Variants in CCDC14 observed in about 807,000 individuals in gnomAD.
The protein encoded by CCDC14 is coiled-coil domain-containing protein 14.
Under a neutral mutation model 81.4 loss-of-function variants are expected in CCDC14, and 71 were observed. That is an observed-to-expected ratio of 0.87 (90% CI 0.72 to 1.06). The LOEUF (loss-of-function observed/expected upper bound fraction) is 1.06. CCDC14 is among the 50% of genes least tolerant of loss of function. The pLI is 0.00. For missense variants in CCDC14, 1,046 were observed against 1,047.3 expected, an observed-to-expected ratio of 1.00 and a Z score of 0.02; for synonymous variants, 332 against 364.8, an observed-to-expected ratio of 0.91 and a Z score of 1.03.
At chr3:123,951,354 A>G (rs2037011420) in intron 5 of CCDC14, among the ~76,000 whole-genome samples, 1 of 152,200 alleles carries the variant, frequency 6.6e-6, no homozygotes, top group Non-Finnish European at 1.5e-5. Flanking sequence ...ACCTCTGAAC[A>G]TGTCCCCTCT....
At chr3:123,893,980 C>A (rs1032551371), downstream of CCDC14, among the ~76,000 whole-genome samples, 3 of 152,148 alleles carry the variant, frequency 2.0e-5, no homozygotes, top group Non-Finnish European at 4.4e-5. Flanking sequence ...AATATTTTCT[C>A]TCATTCTGTA....
intron 9 of CCDC14, among the ~76,000 whole-genome samples, chr3:123,941,904 T>C (rs966973914): frequency 6.6e-6 from 1 of 152,122 alleles, no homozygotes; most frequent in African/African-American, 2.4e-5. Context: ...ATATTTTCCA[T>C]GGTGACAATG....
rs549367897 is a variant in CCDC14, at chr3:123,914,736, T to C, written c.*43A>G. The C allele has an allele frequency of 1.7e-5, 25 of 1,466,016 alleles. No homozygotes were observed. In the African/African-American group the frequency reaches 3.4e-4, roughly 20 times the overall value. 90.8% of individuals were successfully genotyped at this position (1,466,016 alleles called of 1,614,324 possible). ...AAAATACACATTCAATATAGCCAAG[T>C]TCTAGTTTTAAAAAGAAGCACCTGA... On this transcript the variant is annotated 3_prime_UTR_variant, in exon 13 of 13. Coordinates refer to ENST00000409697, the MANE Select transcript of CCDC14 (RefSeq NM_001366335.1).
intron 5 of CCDC14, among the ~76,000 whole-genome samples, chr3:123,950,554 A>AT (rs1157065958): frequency 3.3e-5 from 5 of 152,332 alleles, no homozygotes; most frequent in Admixed American, 2.6e-4. Context: ...GTTCAATCAC[A>AT]TTTATAGGAA....
Position 123,914,070 on chromosome 3 carries a change from A to C in CCDC14, c.*709T>G, listed in dbSNP as rs185827419. 1,217 of 985,454 alleles carry C rather than the reference A, an allele frequency of 1.2e-3. 5 individuals carry two copies. In the African/African-American group the frequency reaches 0.019, roughly 15 times the overall value. The allele number at this position is 985,454 out of a possible 1,614,324, so 61.0% of individuals were successfully genotyped here. Reference sequence around the variant, plus strand: ...AATAAACATTTCTTATTTAAAAAAAACCCACAAATTTCCCCAACTATAGCT... The same window carrying C: ...AATAAACATTTCTTATTTAAAAAAACCCCACAAATTTCCCCAACTATAGCT... On this transcript the variant is annotated 3_prime_UTR_variant, in exon 13 of 13. Coordinates refer to ENST00000409697, the MANE Select transcript of CCDC14 (RefSeq NM_001366335.1).
intron 12 of CCDC14, among the ~76,000 whole-genome samples, chr3:123,916,786 G>A (rs2034725679): frequency 1.3e-5 from 2 of 151,996 alleles, no homozygotes; most frequent in Non-Finnish European, 2.9e-5. Flanking sequence ...AGTCTAAGTG[G>A]GTGTTTGTTT....
intron 5 of CCDC14, among the ~76,000 whole-genome samples, chr3:123,951,322 TA>T (rs572638212): frequency 1.1e-3 from 163 of 152,126 alleles, no homozygotes; most frequent in Non-Finnish European, 1.1e-3. Flanking sequence ...TCATAAATCA[TA>T]CTATCTGATG....
intron 9 of CCDC14, among the ~76,000 whole-genome samples, chr3:123,942,435 T>C (rs1008635091): frequency 1.3e-5 from 2 of 152,074 alleles, no homozygotes. Context: ...CTAAAGATGA[T>C]ATTAGATCTT....
the CCDC14 span, among the ~76,000 whole-genome samples, chr3:123,889,038 T>G: frequency 6.6e-6 from 1 of 152,202 alleles, no homozygotes; most frequent in East Asian, 1.9e-4. Flanking sequence ...CCTATGAACC[T>G]GTAAAATCAA....
chr3:123,930,705 C>A, intron 12 of CCDC14: 1 of 157,108 alleles, frequency 6.4e-6, no homozygotes, highest in Non-Finnish European at 1.4e-5. Flanking sequence ...TTTCCCATGA[C>A]AACTCTATTC....
At chr3:123,901,014 G>A (rs1392543052) in intron 5 of CCDC14, among the ~76,000 whole-genome samples, 26 of 151,928 alleles carry the variant, frequency 1.7e-4, no homozygotes, top group Admixed American at 1.6e-3. Context: ...CAGGCAGATC[G>A]TGAGGTCAGG....
chr3:123,925,976 G>A (rs1021088439), intron 12 of CCDC14, among the ~76,000 whole-genome samples: 3 of 152,072 alleles, frequency 2.0e-5, no homozygotes, highest in Non-Finnish European at 2.9e-5. Context: ...AAATATGCTG[G>A]AGAAACATAT....
At chr3:123,910,888 T>C (rs2034429537), downstream of CCDC14, among the ~76,000 whole-genome samples, 1 of 152,106 alleles carries the variant, frequency 6.6e-6, no homozygotes, top group South Asian at 2.1e-4. Context: ...TGAGGGCAGT[T>C]GAAAATGAAT....
chr3:123,949,508 GAA>G (rs2036882699), intron 5 of CCDC14: 1 of 182,942 alleles, frequency 5.5e-6, no homozygotes. Context: ...AATGCAATAG[GAA>G]AGAGAATAGT....
downstream of CCDC14, among the ~76,000 whole-genome samples, chr3:123,911,593 C>T (rs1231742464): frequency 2.6e-5 from 4 of 152,146 alleles, no homozygotes; most frequent in Non-Finnish European, 5.9e-5. Context: ...TTTTTCTTCA[C>T]AGAACTGACT....
chr3:123,887,849 T>A, the CCDC14 span, among the ~76,000 whole-genome samples: 17 of 152,304 alleles, frequency 1.1e-4, no homozygotes, highest in African/African-American at 4.1e-4. Context: ...TCTGGAGACT[T>A]CTATTATCTG....
chr3:123,928,266 G>A (rs977690537), intron 12 of CCDC14, among the ~76,000 whole-genome samples: 9 of 150,810 alleles, frequency 6.0e-5, no homozygotes, highest in Non-Finnish European at 1.3e-4. Context: ...GGGAGGCTGA[G>A]GCTGGTGGAT....
At chr3:123,898,246 C>T (rs1212049480) in intron 5 of CCDC14, among the ~76,000 whole-genome samples, 1 of 152,212 alleles carries the variant, frequency 6.6e-6, no homozygotes, top group Non-Finnish European at 1.5e-5. Context: ...ACCCCATCCA[C>T]TTCATAAGGT....
At position 123,933,765 on chromosome 3, in the gene CCDC14, T is replaced by C. The variant is rs1271112178; in HGVS notation, c.1344-10A>G. On this transcript the variant is annotated splice_polypyrimidine_tract_variant and intron_variant, in intron 9 of 12. Transcript: ENST00000409697. ...CAAAATTCTCAACTGCCTAAAGAAA[T>C]AATGAAGAACTATGAATGCAAGCAT... is the stretch of plus-strand genomic sequence containing the variant. 6.5e-7 allele frequency: 1 copy of C among 1,550,254 alleles called. No homozygotes were observed.
Sources: allele counts gnomAD v4.1 joint callset (sites outside exome capture counted in the v4.1 genomes callset), GRCh38; gene constraint gnomAD v4.1.1; transcripts MANE v1.5; gene names NCBI Gene and HGNC (gene_info 2026-07-23, HGNC 2026-07-21).